The following B3GALT1 variants were observed in gnomAD, a reference collection of about 807,000 sequenced individuals.
B3GALT1 encodes the protein UDP-Gal:betaGlcNAc beta 1,3-galactosyltransferase, polypeptide 1.
B3GALT1 carries 10 observed loss-of-function variants against 23.2 expected under a neutral mutation model. That is an observed-to-expected ratio of 0.43 (90% CI 0.27 to 0.73). B3GALT1 has a LOEUF of 0.73. Among genes scored for constraint, B3GALT1 ranks in the 30% least tolerant of loss-of-function variants. B3GALT1 has a pLI of 0.21. For missense variants in B3GALT1, 299 were observed against 405.4 expected (o/e 0.74, Z 2.25); for synonymous variants, 156 against 141.5 (o/e 1.10, Z -0.73).
At chr2:167,458,478 G>T (rs1699205655) in intron 1 of B3GALT1, among the ~76,000 whole-genome samples, 1 of 152,198 alleles carries the variant, frequency 6.6e-6, no homozygotes, top group Non-Finnish European at 1.5e-5. Context: ...ATACCCAGAA[G>T]TGGAGTTGCT....
intron 4 of B3GALT1, among the ~76,000 whole-genome samples, chr2:167,857,527 C>T (rs1405172408): frequency 3.3e-5 from 5 of 151,884 alleles, no homozygotes; most frequent in Non-Finnish European, 7.4e-5. Flanking sequence ...AAATCTCAAG[C>T]ATAAAATGGT....
intron 2 of B3GALT1, among the ~76,000 whole-genome samples, chr2:167,620,910 C>G (rs1160762206): frequency 6.6e-6 from 1 of 151,896 alleles, no homozygotes. Flanking sequence ...CCTATAAATG[C>G]AAATTTTTTA....
chr2:167,411,261 C>A (rs1464973639), intron 1 of B3GALT1, among the ~76,000 whole-genome samples: 1 of 149,838 alleles, frequency 6.7e-6, no homozygotes, highest in South Asian at 2.1e-4. Context: ...CAAAAATCAA[C>A]AAAGTGAAAA....
At chr2:167,546,074 G>A (rs1344261350) in intron 2 of B3GALT1, among the ~76,000 whole-genome samples, 1 of 152,174 alleles carries the variant, frequency 6.6e-6, no homozygotes, top group African/African-American at 2.4e-5. Context: ...TGCTCAAAAT[G>A]TTTTGGATTT....
chr2:167,374,866 AT>A (rs574640959), intron 1 of B3GALT1, among the ~76,000 whole-genome samples: 3,102 of 150,988 alleles, frequency 0.021, 54 homozygotes, highest in Non-Finnish European at 0.028. Flanking sequence ...TCTTGTAAAT[AT>A]TTTTTTTTGT....
intron 1 of B3GALT1, among the ~76,000 whole-genome samples, chr2:167,325,829 T>C (rs1466495600): frequency 6.6e-6 from 1 of 151,184 alleles, no homozygotes; most frequent in African/African-American, 2.4e-5. Context: ...GCAATTCTCC[T>C]GCATCAGCCT....
chr2:167,707,817 C>T (rs1686988260), intron 3 of B3GALT1, among the ~76,000 whole-genome samples: 1 of 152,190 alleles, frequency 6.6e-6, no homozygotes, highest in Non-Finnish European at 1.5e-5. Context: ...CATTATTCTG[C>T]TATCACAACA....
intron 2 of B3GALT1, among the ~76,000 whole-genome samples, chr2:167,543,836 C>G (rs1683577723): frequency 6.6e-6 from 1 of 152,152 alleles, no homozygotes; most frequent in Non-Finnish European, 1.5e-5. Flanking sequence ...CTACAAACAA[C>G]AGGGAATCAG....
intron 3 of B3GALT1, among the ~76,000 whole-genome samples, chr2:167,672,313 T>C (rs530335869): frequency 6.6e-6 from 1 of 152,224 alleles, no homozygotes; most frequent in East Asian, 1.9e-4. Context: ...AATATTATTT[T>C]CTCAATTTAC....
At chr2:167,522,697 A>G (rs1225666887) in intron 2 of B3GALT1, among the ~76,000 whole-genome samples, 1 of 152,208 alleles carries the variant, frequency 6.6e-6, no homozygotes, top group Non-Finnish European at 1.5e-5. Flanking sequence ...CAAGGTACCA[A>G]AAAATCTGTA....
chr2:167,710,563 C>T (rs1198860688), intron 3 of B3GALT1, among the ~76,000 whole-genome samples: 1 of 152,072 alleles, frequency 6.6e-6, no homozygotes, highest in East Asian at 1.9e-4. Context: ...AGGTCCTCCT[C>T]GATGTATGAG....
chr2:167,526,393 C>T (rs1321169028), intron 2 of B3GALT1, among the ~76,000 whole-genome samples: 1 of 152,134 alleles, frequency 6.6e-6, no homozygotes, highest in African/African-American at 2.4e-5. Context: ...TTTACTTATT[C>T]ATTCAACCCC....
chr2:167,353,369 C>A (rs753659028), intron 1 of B3GALT1, among the ~76,000 whole-genome samples: 17 of 152,186 alleles, frequency 1.1e-4, no homozygotes, highest in African/African-American at 1.9e-4. Context: ...AAGATTCAAA[C>A]CCTTCTGCAA....
At chr2:167,600,934 A>G (rs1274093395) in intron 2 of B3GALT1, among the ~76,000 whole-genome samples, 1 of 152,212 alleles carries the variant, frequency 6.6e-6, no homozygotes, top group Non-Finnish European at 1.5e-5. Flanking sequence ...ACATAGGAGT[A>G]GAAGTGCTGG....
chr2:167,792,023 C>G (rs1258285725), intron 3 of B3GALT1, among the ~76,000 whole-genome samples: 1 of 151,670 alleles, frequency 6.6e-6, no homozygotes, highest in Non-Finnish European at 1.5e-5. Context: ...TTTTAAGAGG[C>G]CATTTATCAA....
chr2:167,781,803 G>A (rs149392935), intron 3 of B3GALT1, among the ~76,000 whole-genome samples: 6,924 of 152,032 alleles, frequency 0.046, 179 homozygotes, highest in South Asian at 0.084. Context: ...ATGCAGTGGC[G>A]CAATCTCAGC....
chr2:167,394,893 G>A (rs1698071983), intron 1 of B3GALT1, among the ~76,000 whole-genome samples: 1 of 152,126 alleles, frequency 6.6e-6, no homozygotes, highest in Admixed American at 6.6e-5. Flanking sequence ...GAGAATGTCT[G>A]TATCTGTTAT....
chr2:167,447,646 TG>T (rs1373046527), intron 1 of B3GALT1, among the ~76,000 whole-genome samples: 1 of 152,086 alleles, frequency 6.6e-6, no homozygotes, highest in African/African-American at 2.4e-5. Flanking sequence ...TCCATGGGTG[TG>T]GGACCCTCTG....
chr2:167,679,745 A>G (rs879555305), intron 3 of B3GALT1, among the ~76,000 whole-genome samples: 4 of 152,358 alleles, frequency 2.6e-5, no homozygotes, highest in African/African-American at 9.6e-5. Flanking sequence ...CACATGTAAA[A>G]GTGAATTTTA....
Sources: allele counts gnomAD v4.1 joint callset (sites outside exome capture counted in the v4.1 genomes callset), GRCh38; gene constraint gnomAD v4.1.1; transcripts MANE v1.5; gene names NCBI Gene and HGNC (gene_info 2026-07-23, HGNC 2026-07-21).